The following SUMF1 variants were observed in gnomAD, a reference collection of about 807,000 sequenced individuals.
SUMF1 encodes the protein sulfatase modifying factor 1.
A neutral mutation model predicts 47.6 loss-of-function variants in SUMF1; 48 were observed. That is an observed-to-expected ratio of 1.01 (90% CI 0.80 to 1.28). The LOEUF (loss-of-function observed/expected upper bound fraction) is 1.28, where lower values mean the gene tolerates loss of function less well. Ranked by LOEUF, SUMF1 falls within the 50% of genes most tolerant of loss-of-function variation. The pLI is 0.00. For synonymous variants in SUMF1, 230 were observed against 192.1 expected, an observed-to-expected ratio of 1.20 and a Z score of -1.63; for missense variants, 571 against 485.4, an observed-to-expected ratio of 1.18 and a Z score of -1.66.
intron 8 of SUMF1, among the ~76,000 whole-genome samples, chr3:4,215,738 T>C (rs1282515561): frequency 6.6e-6 from 1 of 152,146 alleles, no homozygotes; most frequent in Non-Finnish European, 1.5e-5. Flanking sequence ...CAAGCATTCC[T>C]ATACACCAAT....
At chr3:4,323,656 C>G (rs1698884290) in intron 8 of SUMF1, among the ~76,000 whole-genome samples, 1 of 152,084 alleles carries the variant, frequency 6.6e-6, no homozygotes, top group African/African-American at 2.4e-5. Flanking sequence ...GGTTTAGAAA[C>G]TGGTAACTTG....
chr3:4,417,523 T>C (rs1250148298), intron 5 of SUMF1, among the ~76,000 whole-genome samples: 1 of 151,824 alleles, frequency 6.6e-6, no homozygotes, highest in Non-Finnish European at 1.5e-5. Flanking sequence ...GCTGGGAGAG[T>C]AGACCTCATT....
At chr3:4,266,920 A>C (rs1697207553) in intron 8 of SUMF1, among the ~76,000 whole-genome samples, 2 of 151,316 alleles carry the variant, frequency 1.3e-5, no homozygotes, top group African/African-American at 2.4e-5. Flanking sequence ...ATTTATTGAG[A>C]GTTTTTAGCA....
Position 4,324,519 on chromosome 3 carries a change from G to A in SUMF1, c.1014+51811C>T, listed in dbSNP as rs529907063. 3.9e-5 allele frequency among the ~76,000 whole-genome samples: 6 copies of A among 152,306 alleles called. No homozygotes were observed. The East Asian group carries it at 5.8e-4, about 15-fold the overall frequency. Reference sequence around the variant, plus strand: ...GACAAAAAGAGGTGGGAGTGAGCATGAGCAGTGAGGTAGATGGTTAGATTC... The same window carrying A: ...GACAAAAAGAGGTGGGAGTGAGCATAAGCAGTGAGGTAGATGGTTAGATTC... On this transcript the variant is annotated intron_variant and NMD_transcript_variant, in intron 8 of 12. Transcript: ENST00000448413.
At position 4,418,043 on chromosome 3, in the gene SUMF1, C is replaced by T; in HGVS notation, c.692G>A (p.Trp231Ter). ...AGKRLPTEAE[W>*]EYSCRGGLHN... ...CAGGCCTCCTCGACAGCTGTATTCC[C>T]ACTCAGCTTCCGTGGGCAGCCGCTT... Residue 231 changes from tryptophan (W) to a stop codon, truncating the protein, a stop_gained, in exon 5 of 9, where the codon TGG becomes TAG. Coordinates refer to ENST00000272902, the MANE Select transcript of SUMF1 (RefSeq NM_182760.4). LOFTEE classifies it high-confidence loss of function. 1 of 1,614,056 alleles carries T rather than the reference C, an allele frequency of 6.2e-7. No homozygotes were observed. Among genetic ancestry groups the T allele is most frequent in the Non-Finnish European group, 8.5e-7 (1 of 1,180,034 alleles).
chr3:4,118,019 T>G (rs1358212875), intron 8 of SUMF1, among the ~76,000 whole-genome samples: 3 of 151,978 alleles, frequency 2.0e-5, no homozygotes, highest in Non-Finnish European at 4.4e-5. Context: ...ATTCTCAGCT[T>G]GAACCTAAGC....
At chr3:4,256,091 G>A (rs1245664260) in intron 8 of SUMF1, among the ~76,000 whole-genome samples, 1 of 147,930 alleles carries the variant, frequency 6.8e-6, no homozygotes, top group Non-Finnish European at 1.5e-5. Context: ...CAACATACCA[G>A]AATCTCTGGG....
chr3:4,411,583 A>G (rs1376034227), intron 6 of SUMF1, among the ~76,000 whole-genome samples: 1 of 152,160 alleles, frequency 6.6e-6, no homozygotes, highest in South Asian at 2.1e-4. Flanking sequence ...TGAGGCAAAC[A>G]GTATGCATTC....
At chr3:4,069,492 G>T (rs988048273) in intron 8 of SUMF1, among the ~76,000 whole-genome samples, 7 of 152,178 alleles carry the variant, frequency 4.6e-5, no homozygotes, top group African/African-American at 1.7e-4. Context: ...GAGCAGAGGA[G>T]ATACAGGTAA....
intron 8 of SUMF1, among the ~76,000 whole-genome samples, chr3:4,339,020 T>G (rs746332073): frequency 2.6e-5 from 4 of 152,184 alleles, no homozygotes; most frequent in Non-Finnish European, 5.9e-5. Flanking sequence ...TGACGTTAAC[T>G]TTCCAACCAA....
In SUMF1 at chr3:4,323,402, T is replaced by C. The variant is rs183401900; in HGVS notation, c.1014+52928A>G. 2.6e-5 allele frequency among the ~76,000 whole-genome samples: 4 copies of C among 152,268 alleles called. No homozygotes were observed. In the East Asian group the frequency reaches 7.7e-4, roughly 29 times the overall value. On this transcript the variant is annotated intron_variant and NMD_transcript_variant, in intron 8 of 12. Transcript: ENST00000448413. Reference sequence around the variant, plus strand: ...CGGGAGCAGGAAGGAGTATAGGGATTGACTGCTAACACCAACAAGTACATG... The same window carrying C: ...CGGGAGCAGGAAGGAGTATAGGGATCGACTGCTAACACCAACAAGTACATG...
At chr3:4,197,110 T>G (rs1426056125) in intron 8 of SUMF1, among the ~76,000 whole-genome samples, 1 of 152,090 alleles carries the variant, frequency 6.6e-6, no homozygotes, top group Admixed American at 6.6e-5. Context: ...GCTTAGGAGT[T>G]CAGAAAAGAG....
In SUMF1 at chr3:4,254,099, G is replaced by A. The variant is rs1362480594; in HGVS notation, c.1014+122231C>T. Among the ~76,000 whole-genome samples, 438 of 151,594 alleles carry A rather than the reference G, an allele frequency of 2.9e-3. 4 individuals carry two copies. Among genetic ancestry groups the A allele is most frequent in the East Asian group, 0.01 (52 of 5,148 alleles). ...AACAAACAGAAAGGACATCCACACC[G>A]AAAACCCATCTGTACATCACCATCA... is the stretch of plus-strand genomic sequence containing the variant. On this transcript the variant is annotated intron_variant and NMD_transcript_variant, in intron 8 of 12. Transcript: ENST00000448413.
intron 7 of SUMF1, among the ~76,000 whole-genome samples, chr3:4,398,264 GAA>G (rs1701100037): frequency 1.3e-5 from 2 of 152,038 alleles, no homozygotes; most frequent in Admixed American, 1.3e-4. Flanking sequence ...TAGATTCCCA[GAA>G]CCCAGCATAC....
chr3:4,128,218 T>C (rs1217646644), intron 8 of SUMF1, among the ~76,000 whole-genome samples: 2 of 152,184 alleles, frequency 1.3e-5, no homozygotes, highest in African/African-American at 2.4e-5. Flanking sequence ...GCTCTTATCA[T>C]GCGAGTGACT....
intron 8 of SUMF1, among the ~76,000 whole-genome samples, chr3:4,228,701 A>T (rs183246548): frequency 1.3e-5 from 2 of 152,094 alleles, no homozygotes; most frequent in Non-Finnish European, 2.9e-5. Context: ...AAGGTCCCAA[A>T]TCCTAAAAAC....
chr3:4,127,623 G>A (rs576009736), intron 8 of SUMF1, among the ~76,000 whole-genome samples: 1 of 152,210 alleles, frequency 6.6e-6, no homozygotes, highest in East Asian at 1.9e-4. Context: ...TCAGCCTGCA[G>A]ACAGCCTATT....
At chr3:4,409,502 C>T (rs2125005566) in intron 7 of SUMF1, among the ~76,000 whole-genome samples, 1 of 152,280 alleles carries the variant, frequency 6.6e-6, no homozygotes, top group South Asian at 2.1e-4. Context: ...CAGATAGATA[C>T]ATTCACAACT....
intron 8 of SUMF1, among the ~76,000 whole-genome samples, chr3:4,322,659 TAA>T (rs533846032): frequency 1.2e-4 from 15 of 127,470 alleles, no homozygotes; most frequent in Admixed American, 1.6e-4. Flanking sequence ...GACCTGCCTA[TAA>T]AAAAAAAAAA....
Sources: allele counts gnomAD v4.1 joint callset (sites outside exome capture counted in the v4.1 genomes callset), GRCh38; gene constraint gnomAD v4.1.1; transcripts MANE v1.5; gene names NCBI Gene and HGNC (gene_info 2026-07-23, HGNC 2026-07-21).